The following ANGPTL5 variants were observed in gnomAD, a reference collection of about 807,000 sequenced individuals.
ANGPTL5 encodes the protein angiopoietin like 5, also known as angiopoietin-related protein 5.
ANGPTL5 carries 34 observed loss-of-function variants against 39.4 expected under a neutral mutation model. The ratio of observed to expected loss-of-function variants is 0.86; its 90% CI spans 0.66 to 1.15. The LOEUF (loss-of-function observed/expected upper bound fraction) is 1.15. ANGPTL5 is among the 50% of genes most tolerant of loss of function. ANGPTL5 has a pLI of 0.00. For synonymous variants in ANGPTL5, 146 were observed against 152.1 expected, an observed-to-expected ratio of 0.96 and a Z score of 0.29; for missense variants, 467 against 457.5, an observed-to-expected ratio of 1.02 and a Z score of -0.19.
intron 7 of ANGPTL5, among the ~76,000 whole-genome samples, chr11:101,897,065 G>A (rs1467354438): frequency 2.0e-5 from 3 of 152,152 alleles, no homozygotes; most frequent in Non-Finnish European, 4.4e-5. Flanking sequence ...GTGTGAGATG[G>A]TATCTCCTTG....
chr11:101,908,005 G>A lies in ANGPTL5; in HGVS notation c.-92-4C>T, dbSNP rs1180733035. 16 of 902,090 alleles carry A rather than the reference G, an allele frequency of 1.8e-5. No homozygotes were observed. The highest frequency in any genetic ancestry group is 2.8e-5 in the Non-Finnish European group (16 of 563,254). 55.9% of individuals were successfully genotyped at this position (902,090 alleles called of 1,614,324 possible). A position where few individuals can be genotyped will look rare whatever the true frequency, so the allele number is the denominator to read the frequency against. ...TAGAGTCTTCAGTTAAAAACCTCTG[G>A]AAAGCGTACAACAAAAACATAAGCC... On this transcript the variant is annotated splice_polypyrimidine_tract_variant and splice_region_variant and intron_variant, in intron 1 of 8. Coordinates refer to ENST00000334289, the MANE Select transcript of ANGPTL5 (RefSeq NM_178127.5).
intron 1 of ANGPTL5, 98 bp from the exon 2 acceptor site, chr11:101,908,099 G>A: frequency 2.0e-6 from 1 of 508,026 alleles, no homozygotes; most frequent in African/African-American, 1.9e-5. Flanking sequence ...GTAGCCTCTG[G>A]AGATCCTGAC....
intron 1 of ANGPTL5, among the ~76,000 whole-genome samples, chr11:101,914,595 C>T (rs1940155806): frequency 1.3e-5 from 2 of 152,164 alleles, no homozygotes; most frequent in Non-Finnish European, 2.9e-5. Flanking sequence ...TTCCACTTCA[C>T]AAAGACATTT....
intron 7 of ANGPTL5, 65 bp downstream of exon 7, chr11:101,900,365 G>A: frequency 6.6e-7 from 1 of 1,517,050 alleles, no homozygotes; most frequent in Non-Finnish European, 9.1e-7. Flanking sequence ...CTGACCAATA[G>A]AGGCTCTATA....
intron 8 of ANGPTL5, 111 bp downstream of exon 8, chr11:101,894,768 T>A: frequency 9.6e-7 from 1 of 1,047,040 alleles, no homozygotes; most frequent in Non-Finnish European, 1.4e-6. Context: ...ATCTATCCTG[T>A]TATCAGTTAT....
rs780584082 is a variant in ANGPTL5, at chr11:101,891,452, C to T, written c.994G>A (p.Gly332Ser). Residue 332 changes from glycine (G) to serine (S), a missense_variant, in exon 9 of 9, where the codon GGC becomes AGC. Coordinates refer to ENST00000334289, the MANE Select transcript of ANGPTL5 (RefSeq NM_178127.5). ...KSCSHLHNKT[G>S]WWFNECGLAN... ...AGACCACACTCGTTAAACCACCAGCCGGTCTTGTTATGGAGGTGACTGCAG... is the reference window on the plus strand; with the variant it reads ...AGACCACACTCGTTAAACCACCAGCTGGTCTTGTTATGGAGGTGACTGCAG... 6 of 1,613,940 alleles carry T rather than the reference C, an allele frequency of 3.7e-6. No individual in the cohort carries two copies. Among genetic ancestry groups the T allele is most frequent in the East Asian group, 4.5e-5 (2 of 44,886 alleles).
intron 7 of ANGPTL5, among the ~76,000 whole-genome samples, chr11:101,896,681 T>A (rs1229199068): frequency 6.6e-6 from 1 of 152,206 alleles, no homozygotes; most frequent in South Asian, 2.1e-4. Context: ...GCAAAGGACA[T>A]GAACTCATTC....
At chr11:101,902,375 A>T (rs963068927) in intron 6 of ANGPTL5, among the ~76,000 whole-genome samples, 4 of 152,196 alleles carry the variant, frequency 2.6e-5, no homozygotes, top group Non-Finnish European at 5.9e-5. Context: ...TTTACTTTAA[A>T]GAGTATAACC....
intron 7 of ANGPTL5, among the ~76,000 whole-genome samples, chr11:101,899,302 G>A (rs952085598): frequency 4.6e-5 from 7 of 152,174 alleles, no homozygotes; most frequent in African/African-American, 1.7e-4. Flanking sequence ...GTTTCAACAT[G>A]TTGGCCAGCC....
chr11:101,903,500 G>A (rs1487115781), intron 5 of ANGPTL5, among the ~76,000 whole-genome samples: 2 of 152,044 alleles, frequency 1.3e-5, no homozygotes, highest in East Asian at 1.9e-4. Flanking sequence ...TTACTTCATA[G>A]TGTTATCCTA....
At chr11:101,913,207 G>C (rs1272811379) in intron 1 of ANGPTL5, among the ~76,000 whole-genome samples, 1 of 152,136 alleles carries the variant, frequency 6.6e-6, no homozygotes, top group East Asian at 1.9e-4. Context: ...CAGTTTAAGA[G>C]GACTGCTCAC....
rs777966656 is a variant in ANGPTL5, at chr11:101,894,989, G to A, written c.737C>T (p.Ala246Val). The change falls in exon 8 of 9, where the codon GCT becomes GTT. Residue 246 changes from alanine to valine, a missense_variant. Ala to Val is a moderately conservative substitution (Grantham distance 64, BLOSUM62 0). Coordinates refer to ENST00000334289, the MANE Select transcript of ANGPTL5 (RefSeq NM_178127.5). The part of the protein sequence containing the change: ...QKNTSFMLYV[A>V]LESEDDTLAY... ...AAGAGTGTCATCTTCAGATTCCAAA[G>A]CCACATACAGCATAAAACTGGTATT... 1.2e-6 allele frequency: 2 copies of A among 1,611,420 alleles called. No individual in the cohort carries two copies. Among genetic ancestry groups the A allele is most frequent in the Non-Finnish European group, 1.7e-6 (2 of 1,177,926 alleles).
At chr11:101,895,098 A>C in intron 7 of ANGPTL5, 34 bp from the exon 8 acceptor site, 1 of 1,414,426 alleles carries the variant, frequency 7.1e-7, no homozygotes, top group Non-Finnish European at 9.7e-7. Flanking sequence ...AATATATTTT[A>C]ATACAAATTA....
chr11:101,893,954 GCCAA>G (rs144867408), intron 8 of ANGPTL5, among the ~76,000 whole-genome samples: 11 of 152,258 alleles, frequency 7.2e-5, no homozygotes, highest in Non-Finnish European at 1.2e-4. Flanking sequence ...CTACAAGTAT[GCCAA>G]CATATCCATC....
chr11:101,906,879 G>C (rs1289593746), intron 3 of ANGPTL5, among the ~76,000 whole-genome samples: 1 of 151,956 alleles, frequency 6.6e-6, no homozygotes, highest in East Asian at 1.9e-4. Flanking sequence ...AGAAGCCTGA[G>C]ACCCTTTTGT....
chr11:101,899,056 T>C (rs930637857), intron 7 of ANGPTL5, among the ~76,000 whole-genome samples: 2 of 152,236 alleles, frequency 1.3e-5, no homozygotes, highest in African/African-American at 2.4e-5. Context: ...CAGTATTTTA[T>C]TGAGGATTTT....
chr11:101,914,559 G>A (rs1296617341), intron 1 of ANGPTL5, among the ~76,000 whole-genome samples: 1 of 152,166 alleles, frequency 6.6e-6, no homozygotes, highest in African/African-American at 2.4e-5. Context: ...TTACCGAGTG[G>A]ATGAGAGAAT....
At chr11:101,908,657 GTAATCCCAGC>G (rs1940040086) in intron 1 of ANGPTL5, among the ~76,000 whole-genome samples, 1 of 151,746 alleles carries the variant, frequency 6.6e-6, no homozygotes, top group African/African-American at 2.4e-5. Flanking sequence ...GCAGGTGCCT[GTAATCCCAGC>G]TGCTAGGGAG....
intron 1 of ANGPTL5, among the ~76,000 whole-genome samples, chr11:101,908,780 C>CAAAAAAAAAAAAAAAAAAAAAA (rs59041644): frequency 5.4e-4 from 35 of 64,974 alleles, no homozygotes; most frequent in African/African-American, 1.7e-3. Context: ...GACTCCATCT[C>CAAAAAAAAAAAAAAAAAAAAAA]AAAAAAAAAA....
Sources: gnomAD v4.1 joint callset for allele counts (sites outside exome capture counted in the v4.1 genomes callset) on GRCh38, gnomAD v4.1.1 for gene constraint, MANE v1.5 for transcripts, NCBI Gene and HGNC (gene_info 2026-07-23, HGNC 2026-07-21) for gene names.